NALCN: variants seen among roughly 807,000 people sequenced by gnomAD.
NALCN encodes the protein sodium leak channel NALCN.
A neutral mutation model predicts 225.3 loss-of-function variants in NALCN; 111 were observed. The ratio of observed to expected loss-of-function variants is 0.49; its 90% confidence interval spans 0.42 to 0.58. The LOEUF (loss-of-function observed/expected upper bound fraction) is 0.58. Ranked by LOEUF, NALCN falls within the 20% of genes least tolerant of loss-of-function variation. NALCN has a pLI of 0.00. For synonymous variants in NALCN, 764 were observed against 769.0 expected (o/e 0.99, Z 0.11); for missense variants, 1,378 against 2,202.4 (o/e 0.63, Z 7.49).
intron 15 of NALCN, among the ~76,000 whole-genome samples, chr13:101,162,675 A>G (rs2038245809): frequency 6.6e-6 from 1 of 152,238 alleles, no homozygotes; most frequent in Non-Finnish European, 1.5e-5. Context: ...TGCCTGTGAC[A>G]GGATCTGAAA....
intron 10 of NALCN, among the ~76,000 whole-genome samples, chr13:101,259,449 T>A (rs1594546912): frequency 1.3e-5 from 2 of 151,898 alleles, no homozygotes; most frequent in East Asian, 3.9e-4. Flanking sequence ...TTCTCCGGCT[T>A]CAGCCTCCCG....
chr13:101,349,879 T>C (rs2045858134), intron 6 of NALCN, among the ~76,000 whole-genome samples: 1 of 152,138 alleles, frequency 6.6e-6, no homozygotes, highest in Admixed American at 6.5e-5. Flanking sequence ...CCTTATTCAA[T>C]TTGAAATCCT....
intron 42 of NALCN, among the ~76,000 whole-genome samples, chr13:101,059,481 A>AC (rs1311945547): frequency 3.9e-5 from 6 of 152,230 alleles, no homozygotes. Context: ...ACTCCATGTA[A>AC]TATACCCAGA....
intron 17 of NALCN, among the ~76,000 whole-genome samples, chr13:101,131,647 T>C (rs952427726): frequency 6.6e-6 from 1 of 152,182 alleles, no homozygotes; most frequent in African/African-American, 2.4e-5. Flanking sequence ...TACCATTCCA[T>C]GAACATTGGA....
At chr13:101,110,292 CAA>C (rs2035359297) in intron 20 of NALCN, among the ~76,000 whole-genome samples, 1 of 152,206 alleles carries the variant, frequency 6.6e-6, no homozygotes, top group South Asian at 2.1e-4. Flanking sequence ...AGTGAATATT[CAA>C]AGTCAATGAT....
intron 1 of NALCN, among the ~76,000 whole-genome samples, chr13:101,404,135 T>G (rs1030268345): frequency 6.6e-6 from 1 of 152,170 alleles, no homozygotes; most frequent in African/African-American, 2.4e-5. Flanking sequence ...AAAGAGAGCC[T>G]CTAGTGTGGC....
intron 3 of NALCN, among the ~76,000 whole-genome samples, chr13:101,383,271 G>A (rs1056447411): frequency 3.9e-5 from 6 of 152,162 alleles, no homozygotes; most frequent in African/African-American, 7.2e-5. Flanking sequence ...TGTGTTACTC[G>A]CAGAATATGC....
intron 7 of NALCN, among the ~76,000 whole-genome samples, chr13:101,318,328 C>A (rs1760230): frequency 0.41 from 61,728 of 151,616 alleles, 12,875 homozygotes; most frequent in Middle Eastern, 0.48. Flanking sequence ...ACGCTGGCTG[C>A]GGTGGGGTGG....
chr13:101,055,547 T>G, intron 43 of NALCN, 59 bp from the exon 44 acceptor site: 1 of 1,457,048 alleles, frequency 6.9e-7, no homozygotes, highest in Non-Finnish European at 9.4e-7. Flanking sequence ...TTGTAATCAC[T>G]CCTAAAAACC....
chr13:101,087,140 A>T (rs986276404), intron 30 of NALCN, among the ~76,000 whole-genome samples: 1 of 152,152 alleles, frequency 6.6e-6, no homozygotes, highest in Non-Finnish European at 1.5e-5. Flanking sequence ...TCAGAAAAAA[A>T]TCTATATTAC....
intron 7 of NALCN, among the ~76,000 whole-genome samples, chr13:101,316,226 AGAT>A (rs2044549727): frequency 6.6e-6 from 1 of 152,224 alleles, no homozygotes; most frequent in Non-Finnish European, 1.5e-5. Flanking sequence ...ACACAGCAAC[AGAT>A]GACAATGGTC....
chr13:101,332,397 CAAAA>C (rs753158247), intron 7 of NALCN, among the ~76,000 whole-genome samples: 131 of 57,840 alleles, frequency 2.3e-3, no homozygotes, highest in Non-Finnish European at 3.5e-3. Context: ...TTCACAAAGC[CAAAA>C]AAAAAAAAAA....
In NALCN at chr13:101,295,372, C is replaced by T. The variant is rs200402529; in HGVS notation, c.800-3006G>A. 2.0e-5 allele frequency among the ~76,000 whole-genome samples: 3 copies of T among 152,166 alleles called. No homozygotes were observed. In the East Asian group the frequency reaches 5.8e-4, roughly 29 times the overall value. ...GGCTACAGAAATCCACTATTATCTA[C>T]CATTCAAGTTTAATAGCTGTATTAA... On this transcript the variant is annotated intron_variant, in intron 7 of 43. Coordinates refer to ENST00000251127, the MANE Select transcript of NALCN (RefSeq NM_052867.4).
At position 101,362,709 on chromosome 13, in the gene NALCN, T is replaced by G. The variant is rs574050950; in HGVS notation, c.644+13991A>C. Among the ~76,000 whole-genome samples the G allele has an allele frequency of 1.3e-5, 2 of 152,232 alleles. 1 individual carries two copies. The highest frequency in any genetic ancestry group is 1.3e-4 in the Admixed American group (2 of 15,272). Reference sequence around the variant, plus strand: ...TCAGGACGCCCATTTTCATCAGATTTATTCAACATACTACTGGAAGTTCTA... The same window carrying G: ...TCAGGACGCCCATTTTCATCAGATTGATTCAACATACTACTGGAAGTTCTA... On this transcript the variant is annotated intron_variant, in intron 6 of 43. Transcript: ENST00000251127.
At chr13:101,125,936 T>C (rs574664733) in intron 17 of NALCN, among the ~76,000 whole-genome samples, 7 of 152,288 alleles carry the variant, frequency 4.6e-5, no homozygotes, top group Admixed American at 2.0e-4. Flanking sequence ...TCAAACAAAG[T>C]TGAGGGGGGA....
intron 6 of NALCN, among the ~76,000 whole-genome samples, chr13:101,348,504 C>A (rs1272100680): frequency 6.6e-6 from 1 of 152,090 alleles, no homozygotes; most frequent in Non-Finnish European, 1.5e-5. Flanking sequence ...ATAGTTATTG[C>A]ATTCTTTGTA....
intron 17 of NALCN, among the ~76,000 whole-genome samples, chr13:101,134,155 G>A (rs1208718846): frequency 2.0e-5 from 3 of 152,100 alleles, no homozygotes; most frequent in Non-Finnish European, 4.4e-5. Flanking sequence ...GGGCCACAGA[G>A]CGAGACTCTG....
intron 41 of NALCN, 141 bp from the exon 42 acceptor site, chr13:101,060,108 T>C: frequency 2.1e-6 from 2 of 932,854 alleles, no homozygotes; most frequent in Non-Finnish European, 3.2e-6. Flanking sequence ...GTAAGGATCC[T>C]GAACTAATTT....
intron 13 of NALCN, among the ~76,000 whole-genome samples, chr13:101,207,357 T>C (rs967353214): frequency 1.3e-5 from 2 of 152,252 alleles, no homozygotes; most frequent in Non-Finnish European, 1.5e-5. Context: ...TCATATTTTG[T>C]TTAGAAAATA....
Sources: allele counts gnomAD v4.1 joint callset (sites outside exome capture counted in the v4.1 genomes callset), GRCh38; gene constraint gnomAD v4.1.1; transcripts MANE v1.5; gene names NCBI Gene and HGNC (gene_info 2026-07-23, HGNC 2026-07-21).